TMPRSS15: variants seen among roughly 807,000 people sequenced by gnomAD.
TMPRSS15 encodes transmembrane serine protease 15, also known as enteropeptidase.
A neutral mutation model predicts 125.3 loss-of-function variants in TMPRSS15; 128 were observed. That is an observed-to-expected ratio of 1.02 (90% CI 0.89 to 1.18). TMPRSS15 has a LOEUF of 1.18. TMPRSS15 is among the 50% of genes most tolerant of loss of function. TMPRSS15 has a pLI of 0.00. For synonymous variants in TMPRSS15, 446 were observed against 423.2 expected (o/e 1.05, Z -0.66); for missense variants, 1,283 against 1,212.7 (o/e 1.06, Z -0.86).
At chr21:18,374,035 T>C (rs1378159651) in intron 5 of TMPRSS15, among the ~76,000 whole-genome samples, 1 of 152,150 alleles carries the variant, frequency 6.6e-6, no homozygotes, top group Non-Finnish European at 1.5e-5. Flanking sequence ...TATGGGGGCA[T>C]CAAAGTTTAA....
intron 10 of TMPRSS15, among the ~76,000 whole-genome samples, chr21:18,352,136 T>C (rs2075576040): frequency 6.6e-6 from 1 of 152,114 alleles, no homozygotes; most frequent in Non-Finnish European, 1.5e-5. Context: ...TCAGTGATTA[T>C]ATTTGGTATT....
chr21:18,483,586 G>T (rs1431481607), intron 1 of TMPRSS15, among the ~76,000 whole-genome samples: 1 of 151,824 alleles, frequency 6.6e-6, no homozygotes, highest in African/African-American at 2.4e-5. Flanking sequence ...CTCGATTAGA[G>T]ATTTGGGTAT....
intron 1 of TMPRSS15, among the ~76,000 whole-genome samples, chr21:18,420,912 CA>C: frequency 6.6e-6 from 1 of 152,314 alleles, no homozygotes; most frequent in Non-Finnish European, 1.5e-5. Context: ...CTTAAAACAT[CA>C]TTCCTAAATA....
At chr21:18,286,566 A>T (rs1030078038) in intron 21 of TMPRSS15, among the ~76,000 whole-genome samples, 1 of 152,118 alleles carries the variant, frequency 6.6e-6, no homozygotes, top group African/African-American at 2.4e-5. Context: ...TCCTTACTCC[A>T]TATCTGTGAT....
intron 5 of TMPRSS15, among the ~76,000 whole-genome samples, chr21:18,376,233 C>G (rs1434675773): frequency 1.3e-5 from 2 of 151,102 alleles, no homozygotes; most frequent in African/African-American, 4.9e-5. Context: ...GTAAGCAAGA[C>G]TATGTCTTTT....
At chr21:18,287,069 A>G (rs1273934896) in intron 21 of TMPRSS15, among the ~76,000 whole-genome samples, 2 of 152,120 alleles carry the variant, frequency 1.3e-5, no homozygotes, top group Non-Finnish European at 2.9e-5. Flanking sequence ...TGTTCATACT[A>G]CTTTTCTTTA....
At chr21:18,339,359 A>C (rs187730703) in intron 13 of TMPRSS15, among the ~76,000 whole-genome samples, 2 of 152,224 alleles carry the variant, frequency 1.3e-5, no homozygotes, top group Admixed American at 1.3e-4. Flanking sequence ...CTCATTTGTT[A>C]CATGTTCTTA....
intron 18 of TMPRSS15, among the ~76,000 whole-genome samples, chr21:18,310,839 T>A (rs1190193000): frequency 6.6e-6 from 1 of 150,762 alleles, no homozygotes; most frequent in Non-Finnish European, 1.5e-5. Context: ...GTAACCAAGA[T>A]AACTGGCATA....
At chr21:18,285,891 T>C (rs1397434656) in intron 21 of TMPRSS15, among the ~76,000 whole-genome samples, 1 of 152,242 alleles carries the variant, frequency 6.6e-6, no homozygotes, top group Non-Finnish European at 1.5e-5. Flanking sequence ...ATATGTTTAA[T>C]TTTTCTTCCT....
chr21:18,346,465 T>G (rs1028421211), intron 10 of TMPRSS15, among the ~76,000 whole-genome samples: 41 of 152,380 alleles, frequency 2.7e-4, no homozygotes, highest in Admixed American at 2.5e-3. Flanking sequence ...ATTTGTTAGC[T>G]CTACAGAAGT....
intron 1 of TMPRSS15, among the ~76,000 whole-genome samples, chr21:18,444,776 T>C (rs2076251172): frequency 1.3e-5 from 2 of 152,302 alleles, no homozygotes; most frequent in Admixed American, 1.3e-4. Flanking sequence ...ATCACCCTAC[T>C]GTGCAATGGA....
At chr21:18,409,109 G>T (rs2076159407) in intron 1 of TMPRSS15, among the ~76,000 whole-genome samples, 1 of 151,904 alleles carries the variant, frequency 6.6e-6, no homozygotes, top group African/African-American at 2.4e-5. Flanking sequence ...GCATGGGTAA[G>T]TGACAAGTTT....
At chr21:18,331,712 A>T (rs1188956200) in intron 14 of TMPRSS15, among the ~76,000 whole-genome samples, 3 of 152,218 alleles carry the variant, frequency 2.0e-5, no homozygotes, top group East Asian at 1.9e-4. Flanking sequence ...TGTTAAACAC[A>T]CTATAGACAT....
chr21:18,434,601 T>C (rs1306047182), intron 1 of TMPRSS15, among the ~76,000 whole-genome samples: 1 of 152,100 alleles, frequency 6.6e-6, no homozygotes, highest in Non-Finnish European at 1.5e-5. Flanking sequence ...TATTATAGTT[T>C]GGATTACTAC....
At chr21:18,296,021 C>T (rs1049056113) in intron 19 of TMPRSS15, among the ~76,000 whole-genome samples, 2 of 152,208 alleles carry the variant, frequency 1.3e-5, no homozygotes, top group Admixed American at 1.3e-4. Flanking sequence ...GGCGTGGTGG[C>T]GGGCACCTGT....
At chr21:18,290,304 A>C (rs1425950814) in intron 21 of TMPRSS15, among the ~76,000 whole-genome samples, 2 of 150,812 alleles carry the variant, frequency 1.3e-5, no homozygotes, top group East Asian at 3.9e-4. Context: ...CCATAAGCAC[A>C]CAAGATCATG....
At chr21:18,454,653 G>T (rs1978406506) in intron 1 of TMPRSS15, among the ~76,000 whole-genome samples, 1 of 152,080 alleles carries the variant, frequency 6.6e-6, no homozygotes, top group South Asian at 2.1e-4. Flanking sequence ...GAGTCTAAAG[G>T]CTGGAGGATC....
At chr21:18,397,509 C>A (rs991217498) in intron 3 of TMPRSS15, among the ~76,000 whole-genome samples, 4 of 151,996 alleles carry the variant, frequency 2.6e-5, no homozygotes, top group African/African-American at 9.7e-5. Flanking sequence ...GGACAAGTAC[C>A]TTCTCTCTAG....
At chr21:18,334,537 T>C (rs889883108) in intron 13 of TMPRSS15, among the ~76,000 whole-genome samples, 3 of 152,206 alleles carry the variant, frequency 2.0e-5, no homozygotes, top group African/African-American at 7.2e-5. Context: ...TTTTGGATTG[T>C]TGTAAAATTA....
Sources: gnomAD v4.1 joint callset for allele counts (sites outside exome capture counted in the v4.1 genomes callset) on GRCh38, gnomAD v4.1.1 for gene constraint, MANE v1.5 for transcripts, NCBI Gene and HGNC (gene_info 2026-07-23, HGNC 2026-07-21) for gene names.